The following CLVS1 variants were observed in gnomAD, a reference collection of about 807,000 sequenced individuals.
CLVS1 encodes the protein clavesin-1.
Under a neutral mutation model 33.1 loss-of-function variants are expected in CLVS1, and 10 were observed. That is an observed-to-expected ratio of 0.30 (90% CI 0.19 to 0.51). The LOEUF (loss-of-function observed/expected upper bound fraction) is 0.51, where lower values mean the gene tolerates loss of function less well. Among genes scored for constraint, CLVS1 ranks in the 20% least tolerant of loss-of-function variants. The pLI is 0.97. For missense variants in CLVS1, 343 were observed against 433.4 expected (o/e 0.79, Z 1.85); for synonymous variants, 163 against 166.1 (o/e 0.98, Z 0.14).
chr8:61,337,604 A>G (rs984674203), intron 2 of CLVS1, among the ~76,000 whole-genome samples: 64 of 152,102 alleles, frequency 4.2e-4, no homozygotes, highest in African/African-American at 1.4e-3. Context: ...GATCGGCCCC[A>G]CCAGATCCAA....
intron 5 of CLVS1, among the ~76,000 whole-genome samples, chr8:61,467,273 C>T (rs570398761): frequency 1.3e-5 from 2 of 152,244 alleles, no homozygotes; most frequent in African/African-American, 4.8e-5. Flanking sequence ...TAAGTGATGG[C>T]GGGTGCCCTT....
In CLVS1 at chr8:61,229,822, G is replaced by T. The variant is rs765201797; in HGVS notation, c.-151-69855G>T. On this transcript the variant is annotated intron_variant, in intron 2 of 2. Transcript: ENST00000522621. ...ATTTTTGTATTTTGGTAGAGAGAAGGTTTCGCCATGGTGACCAGGCTCTCA... is the reference window on the plus strand; with the variant it reads ...ATTTTTGTATTTTGGTAGAGAGAAGTTTTCGCCATGGTGACCAGGCTCTCA... Among the ~76,000 whole-genome samples, 20 of 152,162 alleles carry T rather than the reference G, an allele frequency of 1.3e-4. 1 individual carries two copies. Among genetic ancestry groups the T allele is most frequent in the African/African-American group, 4.8e-5 (2 of 41,438 alleles).
At chr8:60,990,481 G>A in the CLVS1 span, among the ~76,000 whole-genome samples, 2 of 152,162 alleles carry the variant, frequency 1.3e-5, no homozygotes, top group African/African-American at 2.4e-5. Context: ...GTGGATGGGT[G>A]GTGGGGATGG....
chr8:61,458,193 CTG>C (rs530923776), intron 4 of CLVS1, 112 bp from the exon 5 acceptor site: 2 of 714,532 alleles, frequency 2.8e-6, no homozygotes, highest in South Asian at 3.5e-5. Flanking sequence ...TCTTTAAACA[CTG>C]TGATCACCAG....
At chr8:61,289,376 C>G (rs913022571) in intron 1 of CLVS1, among the ~76,000 whole-genome samples, 7 of 152,150 alleles carry the variant, frequency 4.6e-5, no homozygotes, top group Non-Finnish European at 5.9e-5. Context: ...AGTCTAAGCC[C>G]AAGTCATAGT....
At chr8:61,193,452 G>C (rs1180770809) in intron 2 of CLVS1, among the ~76,000 whole-genome samples, 1 of 151,922 alleles carries the variant, frequency 6.6e-6, no homozygotes, top group Non-Finnish European at 1.5e-5. Context: ...ACACCAACAT[G>C]GCACATGTAT....
intron 2 of CLVS1, among the ~76,000 whole-genome samples, chr8:61,135,879 C>T (rs1806183692): frequency 6.6e-6 from 1 of 152,190 alleles, no homozygotes; most frequent in Admixed American, 6.5e-5. Context: ...AAAGATGAAG[C>T]CTGTAGGATA....
At chr8:61,212,259 G>A (rs903211652) in intron 2 of CLVS1, among the ~76,000 whole-genome samples, 4 of 152,216 alleles carry the variant, frequency 2.6e-5, no homozygotes, top group Non-Finnish European at 5.9e-5. Context: ...TCCCAGGGAG[G>A]TAGTGTCTGA....
chr8:61,295,461 G>T (rs1474416815), intron 1 of CLVS1, among the ~76,000 whole-genome samples: 1 of 152,178 alleles, frequency 6.6e-6, no homozygotes, highest in Non-Finnish European at 1.5e-5. Flanking sequence ...ATCTTCCAAT[G>T]AAGGAAGGAG....
intron 3 of CLVS1, among the ~76,000 whole-genome samples, chr8:61,420,379 C>A (rs1815608560): frequency 6.6e-6 from 1 of 152,164 alleles, no homozygotes; most frequent in Non-Finnish European, 1.5e-5. Flanking sequence ...GCAGGCAGAT[C>A]ATGAGGTCAG....
At chr8:61,434,916 T>C (rs1438304430) in intron 3 of CLVS1, among the ~76,000 whole-genome samples, 1 of 152,224 alleles carries the variant, frequency 6.6e-6, no homozygotes, top group African/African-American at 2.4e-5. Flanking sequence ...ACAAGAGACT[T>C]TGCAGGGCAA....
intron 2 of CLVS1, among the ~76,000 whole-genome samples, chr8:61,328,233 C>T (rs181377987): frequency 2.0e-5 from 3 of 152,144 alleles, no homozygotes; most frequent in African/African-American, 7.2e-5. Context: ...GCCTTCTGAT[C>T]CAGGGAATAG....
chr8:61,100,233 A>G lies in CLVS1; in HGVS notation c.-242-31537A>G, dbSNP rs139993268. On this transcript the variant is annotated intron_variant, in intron 1 of 2. Coordinates refer to the CLVS1 transcript ENST00000522621. ...TGCATGATTAGGACAATGGGTACCA[A>G]TGACAATGATCATGACATTCAATGC... 6.7e-3 allele frequency among the ~76,000 whole-genome samples: 1,023 copies of G among 152,338 alleles called. 7 individuals carry two copies. Among genetic ancestry groups the G allele is most frequent in the Non-Finnish European group, 0.011 (724 of 68,018 alleles).
chr8:61,010,785 T>G, the CLVS1 span, among the ~76,000 whole-genome samples: 5 of 152,238 alleles, frequency 3.3e-5, no homozygotes, highest in African/African-American at 1.2e-4. Flanking sequence ...GCATACTGCT[T>G]ACTCTCTGGC....
rs573564094 is a variant in CLVS1 at position 61,304,558 on chromosome 8, C to T, written c.455+4276C>T. Among the ~76,000 whole-genome samples, 24 of 152,318 alleles carry T rather than the reference C, an allele frequency of 1.6e-4. No homozygotes were observed. In the East Asian group the frequency reaches 2.5e-3, roughly 16 times the overall value. ...CCCAGCTCCCCAGCTTGGTATGTAA[C>T]GGAGACCTAGGGGACACTGCTGGTC... is the stretch of plus-strand genomic sequence containing the variant. On this transcript the variant is annotated intron_variant, in intron 2 of 5. Transcript: ENST00000325897.
intron 1 of CLVS1, among the ~76,000 whole-genome samples, chr8:61,065,099 A>T (rs994807098): frequency 6.6e-6 from 1 of 152,206 alleles, no homozygotes; most frequent in Admixed American, 6.5e-5. Context: ...TCTGTGGGCA[A>T]TTGGTTCCAG....
chr8:61,089,813 T>C (rs1481755483), intron 1 of CLVS1, among the ~76,000 whole-genome samples: 1 of 152,120 alleles, frequency 6.6e-6, no homozygotes, highest in African/African-American at 2.4e-5. Context: ...CCTAGCTACT[T>C]TGGGAGGCTG....
At chr8:61,427,986 A>G (rs1234636697) in intron 3 of CLVS1, among the ~76,000 whole-genome samples, 1 of 152,190 alleles carries the variant, frequency 6.6e-6, no homozygotes, top group African/African-American at 2.4e-5. Flanking sequence ...ACAAAACCCA[A>G]AACACACTCC....
the CLVS1 span, among the ~76,000 whole-genome samples, chr8:61,011,107 T>C: frequency 6.6e-6 from 1 of 152,220 alleles, no homozygotes; most frequent in African/African-American, 2.4e-5. Flanking sequence ...TCCTTTCTAC[T>C]TCTTCATGGT....
Sources: gnomAD v4.1 joint callset for allele counts (sites outside exome capture counted in the v4.1 genomes callset) on GRCh38, gnomAD v4.1.1 for gene constraint, MANE v1.5 for transcripts, NCBI Gene and HGNC (gene_info 2026-07-23, HGNC 2026-07-21) for gene names.